Variants in ATP10D observed in about 807,000 individuals in gnomAD.
ATP10D encodes ATPase phospholipid transporting 10D (putative).
Under a neutral mutation model 144.8 loss-of-function variants are expected in ATP10D, and 89 were observed. The ratio of observed to expected loss-of-function variants is 0.61; its 90% confidence interval spans 0.52 to 0.73. ATP10D has a LOEUF of 0.73. Among genes scored for constraint, ATP10D ranks in the 30% least tolerant of loss-of-function variants. ATP10D has a pLI of 0.00. For synonymous variants in ATP10D, 571 were observed against 615.1 expected (o/e 0.93, Z 1.06); for missense variants, 1,603 against 1,714.8 (o/e 0.93, Z 1.15).
In ATP10D at chr4:47,592,752, T is replaced by C. The variant is rs1052498077; in HGVS notation, c.*1371T>C. ...TTGGTCTGACATTTTTGTAGCCTTC[T>C]GTTATTATTGGAAATAGTCTCTTAC... On this transcript the variant is annotated 3_prime_UTR_variant, in exon 23 of 23. Transcript: ENST00000273859. The C allele has an allele frequency of 2.6e-5, 4 of 152,590 alleles. No individual in the cohort carries two copies. The highest frequency in any genetic ancestry group is 2.6e-4 in the Admixed American group (4 of 15,260). 9.5% of individuals were successfully genotyped at this position (152,590 alleles called of 1,614,324 possible). A position where few individuals can be genotyped will look rare whatever the true frequency, so the allele number is the denominator to read the frequency against.
Position 47,557,832 on chromosome 4 carries a change from C to T in ATP10D, c.1993C>T (p.Arg665Ter), listed in dbSNP as rs142235555. ...AFVSRLPLFS[R>*]MKPASPVEEE... ...TGTGAGCAGACTCCCTCTCTTTAGT[C>T]GAATGAAACCAGCTTCACCTGTGGA... Residue 665 changes from arginine (R) to a stop codon, truncating the protein, a stop_gained, in exon 12 of 23, where the codon CGA becomes TGA. Coordinates refer to ENST00000273859, the MANE Select transcript of ATP10D (RefSeq NM_020453.4). LOFTEE classifies it high-confidence loss of function. 12 of 1,614,060 alleles carry T rather than the reference C, an allele frequency of 7.4e-6. No individual in the cohort carries two copies. The highest frequency in any genetic ancestry group is 1.3e-5 in the African/African-American group (1 of 74,912).
chr4:47,524,218 G>A lies in ATP10D; in HGVS notation c.690+1002G>A, dbSNP rs970639855. ...TGGGATTACAAGAGTGAGCCACTGCGCTCGGTCTATTTTTTTTTTAACCCA... is the reference window on the plus strand; with the variant it reads ...TGGGATTACAAGAGTGAGCCACTGCACTCGGTCTATTTTTTTTTTAACCCA... On this transcript the variant is annotated intron_variant, in intron 4 of 22. Coordinates refer to ENST00000273859, the MANE Select transcript of ATP10D (RefSeq NM_020453.4). Among the ~76,000 whole-genome samples, 13 of 152,168 alleles carry A rather than the reference G, an allele frequency of 8.5e-5. 1 individual carries two copies. The South Asian group carries it at 2.1e-3, about 24-fold the overall frequency.
chr4:47,572,527 A>G (rs948010361), intron 17 of ATP10D, among the ~76,000 whole-genome samples: 8 of 152,046 alleles, frequency 5.3e-5, no homozygotes, highest in Admixed American at 3.3e-4. Context: ...TGAAGAAGCT[A>G]CTAAGGATTT....
intron 3 of ATP10D, among the ~76,000 whole-genome samples, chr4:47,519,303 A>G (rs1716831670): frequency 6.6e-6 from 1 of 152,108 alleles, no homozygotes; most frequent in South Asian, 2.1e-4. Context: ...ACTTTTCCCA[A>G]TGCTTGTGTA....
intron 16 of ATP10D, among the ~76,000 whole-genome samples, chr4:47,569,982 G>C (rs1719866677): frequency 6.6e-6 from 1 of 152,142 alleles, no homozygotes. Context: ...AGCAGCAGAG[G>C]GCCAGATCAC....
chr4:47,539,962 A>G (rs1016924057), intron 9 of ATP10D, among the ~76,000 whole-genome samples: 1 of 152,188 alleles, frequency 6.6e-6, no homozygotes, highest in Admixed American at 6.5e-5. Context: ...TGCTATCCTG[A>G]CTGAACTGTA....
chr4:47,519,887 T>G (rs1465096316), intron 3 of ATP10D, among the ~76,000 whole-genome samples: 1 of 152,222 alleles, frequency 6.6e-6, no homozygotes, highest in African/African-American at 2.4e-5. Context: ...TTTTGTACTA[T>G]GCACCTAACA....
intron 10 of ATP10D, chr4:47,547,077 G>T: frequency 5.5e-6 from 3 of 550,086 alleles, no homozygotes; most frequent in Non-Finnish European, 9.6e-6. Context: ...TTGAGAGGTA[G>T]TATACCATTT....
At chr4:47,497,551 T>A (rs1715454066) in intron 1 of ATP10D, among the ~76,000 whole-genome samples, 2 of 152,232 alleles carry the variant, frequency 1.3e-5, no homozygotes, top group Middle Eastern at 3.4e-3. Flanking sequence ...AAATAGGCCA[T>A]GAAAATATTA....
At chr4:47,507,158 T>C (rs1427512585) in intron 1 of ATP10D, among the ~76,000 whole-genome samples, 1 of 152,186 alleles carries the variant, frequency 6.6e-6, no homozygotes, top group African/African-American at 2.4e-5. Context: ...TGCACACAAA[T>C]TCTCAGCTAA....
chr4:47,536,255 TAAAGAA>T (rs929703045), intron 7 of ATP10D, among the ~76,000 whole-genome samples, 176 bp from the exon 8 acceptor site: 2 of 151,614 alleles, frequency 1.3e-5, no homozygotes, highest in African/African-American at 4.9e-5. Flanking sequence ...GAGAGTGACT[TAAAGAA>T]AGAGAGAGAG....
intron 1 of ATP10D, chr4:47,491,311 CT>C: frequency 4.6e-6 from 4 of 871,742 alleles, no homozygotes; most frequent in Non-Finnish European, 7.6e-6. Context: ...TGGGGCATTC[CT>C]TTTTGAACAG....
chr4:47,556,933 CTCT>C (rs1560443079), intron 11 of ATP10D: 4 of 152,240 alleles, frequency 2.6e-5, no homozygotes, highest in Admixed American at 2.6e-4. Context: ...ATATTGATAA[CTCT>C]TCTTGATGAA....
intron 2 of ATP10D, among the ~76,000 whole-genome samples, chr4:47,513,710 G>C (rs1438731286): frequency 6.6e-6 from 1 of 152,198 alleles, no homozygotes; most frequent in Non-Finnish European, 1.5e-5. Flanking sequence ...AGGAAGTAAA[G>C]TCAGAAAGAT....
intron 15 of ATP10D, among the ~76,000 whole-genome samples, chr4:47,564,243 C>T (rs1428780253): frequency 6.6e-6 from 1 of 151,980 alleles, no homozygotes; most frequent in Admixed American, 6.6e-5. Context: ...CTACCTTGTG[C>T]TTGGAAGGAT....
intron 3 of ATP10D, among the ~76,000 whole-genome samples, chr4:47,520,947 A>G (rs1330233244): frequency 2.6e-5 from 4 of 152,168 alleles, no homozygotes; most frequent in Non-Finnish European, 5.9e-5. Context: ...TCACGTTATC[A>G]ACTTTCTCCA....
intron 1 of ATP10D, among the ~76,000 whole-genome samples, chr4:47,512,245 AATTGTTTGCTTCAAGTT>A (rs532995885): frequency 2.8e-4 from 43 of 152,336 alleles, no homozygotes; most frequent in South Asian, 1.4e-3. Flanking sequence ...ATTAAGCCCA[AATTGTTTGCTTCAAGTT>A]ATGGAATGGC....
At chr4:47,550,587 T>C (rs1386104845) in intron 10 of ATP10D, among the ~76,000 whole-genome samples, 1 of 152,046 alleles carries the variant, frequency 6.6e-6, no homozygotes, top group Non-Finnish European at 1.5e-5. Context: ...CCTCGTGTTC[T>C]CTGACCTGGG....
At chr4:47,559,261 A>G (rs773449525) in intron 13 of ATP10D, among the ~76,000 whole-genome samples, 2 of 152,198 alleles carry the variant, frequency 1.3e-5, no homozygotes, top group Non-Finnish European at 2.9e-5. Flanking sequence ...ATGTTTCAAT[A>G]TGTCCGTGAG....
Sources: gnomAD v4.1 joint callset for allele counts (sites outside exome capture counted in the v4.1 genomes callset) on GRCh38, gnomAD v4.1.1 for gene constraint, MANE v1.5 for transcripts, NCBI Gene and HGNC (gene_info 2026-07-23, HGNC 2026-07-21) for gene names.